ROBO1: variants seen among roughly 807,000 people sequenced by gnomAD.
ROBO1 encodes the protein roundabout guidance receptor 1.
In ROBO1, 149 loss-of-function variants were observed where a neutral mutation model predicts 195.9. The observed-to-expected ratio is 0.76, with a 90% CI of 0.67 to 0.87. The LOEUF is 0.87. Among genes scored for constraint, ROBO1 ranks in the 40% least tolerant of loss-of-function variants. ROBO1 has a pLI of 0.00. For synonymous variants in ROBO1, 816 were observed against 733.2 expected, an observed-to-expected ratio of 1.11 and a Z score of -1.82; for missense variants, 1,933 against 2,068.3, an observed-to-expected ratio of 0.93 and a Z score of 1.27.
chr3:78,778,343 C>T (rs759367589), intron 4 of ROBO1, among the ~76,000 whole-genome samples: 4 of 150,490 alleles, frequency 2.7e-5, no homozygotes, highest in Non-Finnish European at 5.9e-5. Context: ...ATGATGCTAG[C>T]CTCATAAAAT....
intron 4 of ROBO1, among the ~76,000 whole-genome samples, chr3:78,916,541 G>A (rs2038603120): frequency 7.3e-6 from 1 of 136,942 alleles, no homozygotes; most frequent in Admixed American, 7.6e-5. Context: ...AACAGAGCAA[G>A]TATCTGTCTC....
intron 2 of ROBO1, among the ~76,000 whole-genome samples, chr3:79,458,905 T>C (rs80067111): frequency 0.034 from 5,233 of 151,888 alleles, 208 homozygotes; most frequent in African/African-American, 0.098. Flanking sequence ...AAAAATCAAA[T>C]TGAAACCCAA....
At chr3:79,613,650 A>G (rs72631226) in intron 1 of ROBO1, among the ~76,000 whole-genome samples, 4,038 of 152,192 alleles carry the variant, frequency 0.027, 92 homozygotes, top group East Asian at 0.14. Context: ...GATCTCTAAA[A>G]GAAACACACA....
At chr3:78,998,008 T>A (rs1338833231) in intron 3 of ROBO1, among the ~76,000 whole-genome samples, 3 of 152,208 alleles carry the variant, frequency 2.0e-5, no homozygotes, top group African/African-American at 7.2e-5. Context: ...CTTCCCACTC[T>A]GAGATTCAGT....
chr3:79,616,799 G>A (rs1944835916), intron 1 of ROBO1, among the ~76,000 whole-genome samples: 1 of 152,070 alleles, frequency 6.6e-6, no homozygotes, highest in Admixed American at 6.6e-5. Context: ...GCTATTTAGG[G>A]CAGCTGCATC....
chr3:78,702,564 C>A lies in ROBO1; in HGVS notation c.1045+11833G>T, dbSNP rs571405193. Among the ~76,000 whole-genome samples, 18 of 152,240 alleles carry A rather than the reference C, an allele frequency of 1.2e-4. No individual in the cohort carries two copies. The South Asian group carries it at 3.7e-3, about 32-fold the overall frequency. ...AAGTATGTGAGGCTGTTAAAATGAA[C>A]ATTTTAAAATGTGCTATCTCTCAAT... On this transcript the variant is annotated intron_variant, in intron 8 of 30. Coordinates refer to ENST00000464233, the MANE Select transcript of ROBO1 (RefSeq NM_002941.4).
At chr3:79,095,880 A>T (rs2079557703) in intron 3 of ROBO1, among the ~76,000 whole-genome samples, 1 of 151,890 alleles carries the variant, frequency 6.6e-6, no homozygotes, top group South Asian at 2.1e-4. Flanking sequence ...GATGTGCCTC[A>T]TTTTTTTAAA....
At chr3:79,744,626 T>C (rs1703792009) in intron 1 of ROBO1, among the ~76,000 whole-genome samples, 1 of 152,034 alleles carries the variant, frequency 6.6e-6, no homozygotes, top group Non-Finnish European at 1.5e-5. Flanking sequence ...AAGTTCTCAG[T>C]CTCCAGAACT....
intron 3 of ROBO1, among the ~76,000 whole-genome samples, chr3:79,037,773 A>T (rs1303583704): frequency 3.9e-5 from 6 of 152,158 alleles, no homozygotes; most frequent in Admixed American, 3.9e-4. Context: ...GGACATATAT[A>T]TTTTTACATT....
intron 5 of ROBO1, among the ~76,000 whole-genome samples, chr3:78,730,531 G>A (rs1362599064): frequency 1.5e-5 from 1 of 64,690 alleles, no homozygotes; most frequent in African/African-American, 3.0e-5. Context: ...GCTACAAATT[G>A]AAGTAAACAC....
At chr3:78,722,204 T>G (rs1472730746) in intron 5 of ROBO1, among the ~76,000 whole-genome samples, 1 of 152,190 alleles carries the variant, frequency 6.6e-6, no homozygotes, top group East Asian at 1.9e-4. Context: ...AAAAACTGTT[T>G]CTTTTCAATA....
chr3:79,743,859 A>G (rs1703754713), intron 1 of ROBO1, among the ~76,000 whole-genome samples: 1 of 152,176 alleles, frequency 6.6e-6, no homozygotes, highest in Admixed American at 6.5e-5. Flanking sequence ...CACTGGAAGG[A>G]CTGCAGAACA....
At chr3:79,243,321 T>C (rs2082558198) in intron 2 of ROBO1, among the ~76,000 whole-genome samples, 2 of 152,184 alleles carry the variant, frequency 1.3e-5, no homozygotes, top group Admixed American at 1.3e-4. Flanking sequence ...TATAGCAGCA[T>C]GATTTATAAT....
At chr3:78,692,677 T>C (rs186562626) in intron 8 of ROBO1, among the ~76,000 whole-genome samples, 2 of 152,322 alleles carry the variant, frequency 1.3e-5, no homozygotes, top group Non-Finnish European at 1.5e-5. Flanking sequence ...TAAAAATTGC[T>C]TTCTAGTGAC....
At chr3:79,329,032 G>C (rs1435796190) in intron 2 of ROBO1, among the ~76,000 whole-genome samples, 2 of 152,150 alleles carry the variant, frequency 1.3e-5, no homozygotes, top group African/African-American at 4.8e-5. Context: ...GTGAGAATCT[G>C]CTCTTCAACA....
chr3:79,403,439 A>G (rs2037436437), intron 2 of ROBO1, among the ~76,000 whole-genome samples: 1 of 152,164 alleles, frequency 6.6e-6, no homozygotes, highest in Admixed American at 6.6e-5. Flanking sequence ...ACTGTTCTAC[A>G]TCATTATGCT....
At chr3:78,796,574 C>T (rs2084191136) in intron 4 of ROBO1, among the ~76,000 whole-genome samples, 1 of 151,208 alleles carries the variant, frequency 6.6e-6, no homozygotes, top group Admixed American at 6.6e-5. Flanking sequence ...TTTCACCCTC[C>T]TCTACTACTA....
chr3:79,566,890 A>G (rs1189852242), intron 2 of ROBO1, among the ~76,000 whole-genome samples: 3 of 152,154 alleles, frequency 2.0e-5, no homozygotes, highest in Non-Finnish European at 4.4e-5. Flanking sequence ...TAAAGGACAT[A>G]GAGACAGAAA....
intron 8 of ROBO1, among the ~76,000 whole-genome samples, chr3:78,705,371 T>G (rs2107972419): frequency 6.6e-6 from 1 of 152,328 alleles, no homozygotes; most frequent in East Asian, 1.9e-4. Context: ...GGAATTCAAC[T>G]ATTTTATTCA....
Sources: allele counts gnomAD v4.1 joint callset (sites outside exome capture counted in the v4.1 genomes callset), GRCh38; gene constraint gnomAD v4.1.1; transcripts MANE v1.5; gene names NCBI Gene and HGNC (gene_info 2026-07-23, HGNC 2026-07-21).